The following AGMO variants were observed in gnomAD, a reference collection of about 807,000 sequenced individuals.
AGMO encodes alkylglycerol monooxygenase.
A neutral mutation model predicts 60.2 loss-of-function variants in AGMO; 75 were observed. The ratio of observed to expected loss-of-function variants is 1.25; its 90% CI spans 1.03 to 1.51. The LOEUF (loss-of-function observed/expected upper bound fraction) is 1.51. Ranked by LOEUF, AGMO falls within the 40% of genes most tolerant of loss-of-function variation. AGMO has a pLI of 0.00. For missense variants in AGMO, 763 were observed against 525.5 expected, an observed-to-expected ratio of 1.45 and a Z score of -4.42; for synonymous variants, 261 against 177.1, an observed-to-expected ratio of 1.47 and a Z score of -3.76.
At chr7:15,176,685 G>T in the AGMO span, among the ~76,000 whole-genome samples, 3 of 151,798 alleles carry the variant, frequency 2.0e-5, no homozygotes, top group African/African-American at 4.8e-5. Context: ...TGGGTCAGGG[G>T]CACTTAAGCA....
the AGMO span, among the ~76,000 whole-genome samples, chr7:15,128,940 C>G: frequency 2.2e-4 from 33 of 152,026 alleles, no homozygotes; most frequent in Non-Finnish European, 4.3e-4. Context: ...CAAAGGCAGT[C>G]AGGGTTGTCA....
chr7:15,449,836 G>A (rs1241196881), intron 3 of AGMO, among the ~76,000 whole-genome samples: 1 of 152,052 alleles, frequency 6.6e-6, no homozygotes, highest in Non-Finnish European at 1.5e-5. Flanking sequence ...GTAAAGTCAA[G>A]TCCACAAAAT....
intron 9 of AGMO, among the ~76,000 whole-genome samples, chr7:15,387,063 G>T (rs973561698): frequency 6.6e-6 from 1 of 152,068 alleles, no homozygotes; most frequent in Admixed American, 6.6e-5. Flanking sequence ...GGCTCCCTCC[G>T]TCTCTAGTGT....
At chr7:15,264,113 G>A (rs1011845275) in intron 12 of AGMO, among the ~76,000 whole-genome samples, 8 of 151,602 alleles carry the variant, frequency 5.3e-5, no homozygotes, top group African/African-American at 1.9e-4. Flanking sequence ...TTAGAAAAGA[G>A]AAGAAAGCAA....
At chr7:15,546,484 G>A (rs1041684471) in intron 2 of AGMO, among the ~76,000 whole-genome samples, 15 of 152,310 alleles carry the variant, frequency 9.8e-5, no homozygotes, top group African/African-American at 3.4e-4. Flanking sequence ...GCCTGCTTGT[G>A]TGCCTTGCAT....
chr7:15,155,611 G>A, the AGMO span, among the ~76,000 whole-genome samples: 2 of 151,858 alleles, frequency 1.3e-5, no homozygotes, highest in Middle Eastern at 3.4e-3. Context: ...TTGGCATCCA[G>A]ATTCTGAATT....
In AGMO at chr7:15,386,681, G is replaced by C. The variant is rs901036435; in HGVS notation, c.957+725C>G. ...CTTGAAACATCACAGGCTAACTTTTGTACACATAGTATCATCCTTGAAATT... is the reference window on the plus strand; with the variant it reads ...CTTGAAACATCACAGGCTAACTTTTCTACACATAGTATCATCCTTGAAATT... On this transcript the variant is annotated intron_variant, in intron 9 of 12. Coordinates refer to ENST00000342526, the MANE Select transcript of AGMO (RefSeq NM_001004320.2). Among the ~76,000 whole-genome samples the C allele has an allele frequency of 2.6e-5, 4 of 152,162 alleles. No homozygotes were observed. In the South Asian group the frequency reaches 8.3e-4, roughly 32 times the overall value.
At chr7:15,340,813 T>G (rs1369260258) in intron 12 of AGMO, among the ~76,000 whole-genome samples, 1 of 152,076 alleles carries the variant, frequency 6.6e-6, no homozygotes, top group Admixed American at 6.5e-5. Flanking sequence ...AAGGGAAATG[T>G]GGGGTTGGTG....
the AGMO span, among the ~76,000 whole-genome samples, chr7:15,131,281 G>T: frequency 1.3e-5 from 2 of 152,136 alleles, no homozygotes; most frequent in Non-Finnish European, 2.9e-5. Context: ...GCAAAGTGGA[G>T]TTAGAGCTCC....
At chr7:15,486,048 T>G (rs1320654992) in intron 3 of AGMO, among the ~76,000 whole-genome samples, 2 of 152,190 alleles carry the variant, frequency 1.3e-5, no homozygotes, top group East Asian at 3.8e-4. Context: ...TAGAATAGTG[T>G]GATTGCAAAG....
chr7:15,342,779 CAAAAAAAAAAA>C (rs780336320), intron 12 of AGMO, among the ~76,000 whole-genome samples: 3 of 61,656 alleles, frequency 4.9e-5, no homozygotes, highest in Admixed American at 2.1e-4. Flanking sequence ...AGTATAGCTG[CAAAAAAAAAAA>C]AAAAAAAAAA....
intron 12 of AGMO, among the ~76,000 whole-genome samples, chr7:15,290,742 T>A (rs1420078180): frequency 6.6e-6 from 1 of 152,146 alleles, no homozygotes; most frequent in Non-Finnish European, 1.5e-5. Flanking sequence ...ATCAAAAAAA[T>A]TATTTAAATT....
intron 12 of AGMO, among the ~76,000 whole-genome samples, chr7:15,333,205 A>G (rs1781550856): frequency 6.6e-6 from 1 of 152,192 alleles, no homozygotes; most frequent in Non-Finnish European, 1.5e-5. Context: ...GTCAAGACTC[A>G]GCAACAATCC....
chr7:15,528,836 T>C (rs1220708012), intron 3 of AGMO, among the ~76,000 whole-genome samples: 4 of 152,130 alleles, frequency 2.6e-5, no homozygotes, highest in African/African-American at 9.6e-5. Flanking sequence ...TTATTGGAGA[T>C]GGAGTTTCTC....
chr7:15,481,662 A>G (rs12699720), intron 3 of AGMO, among the ~76,000 whole-genome samples: 60,519 of 151,930 alleles, frequency 0.4, 13,673 homozygotes, highest in Non-Finnish European at 0.52. Flanking sequence ...TGATAAAAGA[A>G]GCAGGCAAAA....
chr7:15,264,021 T>G (rs1446088910), intron 12 of AGMO, among the ~76,000 whole-genome samples: 1 of 151,952 alleles, frequency 6.6e-6, no homozygotes, highest in Non-Finnish European at 1.5e-5. Context: ...AAGAATTTAT[T>G]CATGTAACCA....
At chr7:15,375,386 A>AT (rs71004377) in intron 10 of AGMO, among the ~76,000 whole-genome samples, 4,620 of 109,246 alleles carry the variant, frequency 0.042, 227 homozygotes, top group Non-Finnish European at 0.053. Flanking sequence ...TTCTAAAAGG[A>AT]TTTTTTTTTT....
chr7:15,250,443 T>C (rs560153690), intron 12 of AGMO, among the ~76,000 whole-genome samples: 3 of 152,186 alleles, frequency 2.0e-5, no homozygotes, highest in South Asian at 2.1e-4. Context: ...CAGAGTCTGA[T>C]AGCATTCAAG....
intron 12 of AGMO, among the ~76,000 whole-genome samples, chr7:15,214,156 A>G (rs540922379): frequency 9.4e-4 from 143 of 152,148 alleles, no homozygotes; most frequent in African/African-American, 3.4e-3. Flanking sequence ...TAATTATGTT[A>G]TGAAAAATCT....
Sources: gnomAD v4.1 joint callset for allele counts (sites outside exome capture counted in the v4.1 genomes callset) on GRCh38, gnomAD v4.1.1 for gene constraint, MANE v1.5 for transcripts, NCBI Gene and HGNC (gene_info 2026-07-23, HGNC 2026-07-21) for gene names.